The following IGSF5 variants were observed in gnomAD, a reference collection of about 807,000 sequenced individuals.
IGSF5 encodes immunoglobulin superfamily member 5, also known as immunoglobulin superfamily 5 like.
In IGSF5, 41 loss-of-function variants were observed where a neutral mutation model predicts 39.4. The observed-to-expected ratio is 1.04, with a 90% CI of 0.81 to 1.35. The LOEUF (loss-of-function observed/expected upper bound fraction) is 1.35, where lower values mean the gene tolerates loss of function less well. Ranked by LOEUF, IGSF5 falls within the 40% of genes most tolerant of loss-of-function variation. The pLI is 0.00. For missense variants in IGSF5, 487 were observed against 494.6 expected, an observed-to-expected ratio of 0.98 and a Z score of 0.15; for synonymous variants, 183 against 175.3, an observed-to-expected ratio of 1.04 and a Z score of -0.34.
chr21:39,779,139 T>A lies in IGSF5; in HGVS notation c.768T>A (p.Ser256Arg). The change falls in exon 5 of 9, where the codon AGT becomes AGA. Residue 256 changes from serine (S) to arginine (R), a missense_variant. Transcript: ENST00000380588. The part of the protein sequence containing the change: ...NIPGVLSSLP[S>R]LGFSLPTWGK... ...CAGGTGTATTATCAAGTTTACCGAG[T>A]TTAGGTTTTTCATTGCCTACTTGGG... 6.2e-7 allele frequency: 1 copy of A among 1,613,896 alleles called. No homozygotes were observed. Among genetic ancestry groups the A allele is most frequent in the Non-Finnish European group, 8.5e-7 (1 of 1,179,868 alleles).
intron 8 of IGSF5, among the ~76,000 whole-genome samples, chr21:39,796,029 T>G (rs1393938186): frequency 1.3e-5 from 2 of 152,162 alleles, no homozygotes; most frequent in East Asian, 3.9e-4. Flanking sequence ...TTTGCCGTCA[T>G]GGGCCCAGGC....
At position 39,746,238 on chromosome 21, in the gene IGSF5, G is replaced by T; in HGVS notation, c.40G>T (p.Asp14Tyr). 1.4e-6 allele frequency: 1 copy of T among 701,914 alleles called. No homozygotes were observed. Among genetic ancestry groups the T allele is most frequent in the Non-Finnish European group, 2.6e-6 (1 of 384,798 alleles). The allele number at this position is 701,914 out of a possible 1,614,324, so 43.5% of individuals were successfully genotyped here. Residue 14 changes from aspartate (D) to tyrosine (Y), a missense_variant, in exon 2 of 9, where the codon GAT (aspartate) becomes TAT (tyrosine). Asp to Tyr is a radical substitution (Grantham distance 160, BLOSUM62 -3). Coordinates refer to ENST00000380588, the MANE Select transcript of IGSF5 (RefSeq NM_001080444.2). ...CAGGAGCACAGCAGATACTCTGCCG[G>T]ATCTGGAGGAATGGAAGTCAGCGGC... ...KERSTADTLP[D>Y]LEEWKSAAGL...
chr21:39,758,616 C>T (rs4816653), intron 2 of IGSF5, among the ~76,000 whole-genome samples: 45,915 of 151,938 alleles, frequency 0.3, 8,541 homozygotes, highest in Admixed American at 0.49. Flanking sequence ...ACCACCCCAG[C>T]GCTCTCCAAC....
At chr21:39,794,569 A>G (rs2086984218) in intron 8 of IGSF5, among the ~76,000 whole-genome samples, 1 of 152,216 alleles carries the variant, frequency 6.6e-6, no homozygotes, top group Non-Finnish European at 1.5e-5. Flanking sequence ...CCCGAATCAT[A>G]AATTAGGTAG....
the IGSF5 span, among the ~76,000 whole-genome samples, chr21:39,724,519 A>G: frequency 1.3e-5 from 2 of 152,148 alleles, no homozygotes; most frequent in African/African-American, 2.4e-5. Flanking sequence ...TGGTTTTTAA[A>G]TGAGGAGTTC....
At chr21:39,769,168 T>C (rs982566126) in intron 3 of IGSF5, among the ~76,000 whole-genome samples, 6 of 152,170 alleles carry the variant, frequency 3.9e-5, no homozygotes, top group Admixed American at 1.3e-4. Context: ...CAGATTCCAC[T>C]GTGTAACAAA....
chr21:39,795,707 C>T (rs566464963), intron 8 of IGSF5, among the ~76,000 whole-genome samples: 33 of 151,910 alleles, frequency 2.2e-4, no homozygotes, highest in African/African-American at 7.7e-4. Flanking sequence ...GAAACATGTA[C>T]CCAGCTAAAT....
At chr21:39,789,997 G>A (rs137886596) in intron 6 of IGSF5, among the ~76,000 whole-genome samples, 13 of 152,268 alleles carry the variant, frequency 8.5e-5, no homozygotes, top group South Asian at 4.2e-4. Flanking sequence ...GCTTGATCAG[G>A]TTTCACAAAA....
At chr21:39,773,024 A>T (rs371901021) in intron 4 of IGSF5, among the ~76,000 whole-genome samples, 2 of 152,312 alleles carry the variant, frequency 1.3e-5, no homozygotes, top group Admixed American at 1.3e-4. Flanking sequence ...GGTTTGTTGT[A>T]TAGGCAAACT....
intron 5 of IGSF5, among the ~76,000 whole-genome samples, chr21:39,784,236 G>A: frequency 6.6e-6 from 1 of 152,154 alleles, no homozygotes; most frequent in South Asian, 2.1e-4. Flanking sequence ...GATTTTAAAG[G>A]AAAACCACTA....
chr21:39,801,742 T>C lies in IGSF5; in HGVS notation c.*385T>C, dbSNP rs1333547894. The C allele has an allele frequency of 6.2e-6, 1 of 161,414 alleles. No individual in the cohort carries two copies. Among genetic ancestry groups the C allele is most frequent in the Non-Finnish European group, 1.4e-5 (1 of 73,188 alleles). The allele number at this position is 161,414 out of a possible 1,614,324, so 10.0% of individuals were successfully genotyped here. On this transcript the variant is annotated 3_prime_UTR_variant, in exon 9 of 9. Transcript: ENST00000380588. ...AAAGCATATGAAGATGATATTTATG[T>C]ATATTTAATATGTAGGGGTATTATT...
intron 5 of IGSF5, among the ~76,000 whole-genome samples, chr21:39,783,698 T>C (rs1356866653): frequency 6.6e-6 from 1 of 152,230 alleles, no homozygotes; most frequent in Non-Finnish European, 1.5e-5. Context: ...TTGTTTCTTT[T>C]GCTGTGCAGA....
At position 39,745,371 on chromosome 21, in the gene IGSF5, T is replaced by C; in HGVS notation, c.-139T>C. The C allele has an allele frequency of 1.7e-6, 1 of 605,120 alleles. No homozygotes were observed. The highest frequency in any genetic ancestry group is 3.0e-6 in the Non-Finnish European group (1 of 334,392). 37.5% of individuals were successfully genotyped at this position (605,120 alleles called of 1,614,324 possible). ...AGCGTAGGGCTTCCTTAGATCCCTTTGGAGATACAACCTGCTAGAGGAAAT... is the reference window on the plus strand; with the variant it reads ...AGCGTAGGGCTTCCTTAGATCCCTTCGGAGATACAACCTGCTAGAGGAAAT... On this transcript the variant is annotated 5_prime_UTR_variant, in exon 1 of 9. Transcript: ENST00000380588.
chr21:39,774,633 G>A (rs563468228), intron 4 of IGSF5, among the ~76,000 whole-genome samples: 265 of 152,328 alleles, frequency 1.7e-3, no homozygotes, highest in African/African-American at 6.1e-3. Context: ...ACTGGAGAGT[G>A]AGGCCGTCTC....
intron 5 of IGSF5, among the ~76,000 whole-genome samples, chr21:39,787,329 A>C (rs959160035): frequency 5.3e-5 from 8 of 152,178 alleles, no homozygotes; most frequent in African/African-American, 1.9e-4. Flanking sequence ...ATACCTGAGA[A>C]CGTTATCTAA....
At chr21:39,750,446 T>G (rs2079999254) in intron 2 of IGSF5, among the ~76,000 whole-genome samples, 1 of 147,258 alleles carries the variant, frequency 6.8e-6, no homozygotes, top group South Asian at 2.1e-4. Context: ...AGTTCAAGGT[T>G]GCAGTGACCT....
intron 8 of IGSF5, among the ~76,000 whole-genome samples, chr21:39,796,978 C>G (rs906887797): frequency 1.3e-5 from 2 of 152,194 alleles, no homozygotes; most frequent in African/African-American, 2.4e-5. Flanking sequence ...CACATACACT[C>G]GCTCTCTGCT....
In IGSF5 at chr21:39,765,807, C is replaced by T. The variant is rs923074353; in HGVS notation, c.373C>T (p.Leu125Phe). The stretch of plus-strand genomic sequence containing the variant: ...TGATTCGGGGAACATCAGATGCAGC[C>T]TCCAGAACAGTCGCCTGCATGGATC... ...PSDSGNIRCS[L>F]QNSRLHGSAY... Residue 125 changes from leucine (L) to phenylalanine (F), a missense_variant, in exon 3 of 9, where the codon CTC becomes TTC. Leu to Phe is a conservative substitution (Grantham distance 22). Coordinates refer to ENST00000380588, the MANE Select transcript of IGSF5 (RefSeq NM_001080444.2). The T allele has an allele frequency of 9.3e-6, 15 of 1,613,948 alleles. No homozygotes were observed. Among genetic ancestry groups the T allele is most frequent in the Non-Finnish European group, 1.3e-5 (15 of 1,179,978 alleles).
chr21:39,718,299 A>G, the IGSF5 span, among the ~76,000 whole-genome samples: 1 of 152,168 alleles, frequency 6.6e-6, no homozygotes, highest in Non-Finnish European at 1.5e-5. Flanking sequence ...ACAAAAAGAG[A>G]TAAGTTTGAC....
Sources: allele counts gnomAD v4.1 joint callset (sites outside exome capture counted in the v4.1 genomes callset), GRCh38; gene constraint gnomAD v4.1.1; transcripts MANE v1.5; gene names NCBI Gene and HGNC (gene_info 2026-07-23, HGNC 2026-07-21).